The following IQSEC3 variants were observed in gnomAD, a reference collection of about 807,000 sequenced individuals.
IQSEC3 encodes IQ motif and Sec7 domain ArfGEF 3, also known as IQ motif and SEC7 domain-containing protein 3.
A neutral mutation model predicts 105.4 loss-of-function variants in IQSEC3; 50 were observed. That is an observed-to-expected ratio of 0.47 (90% CI 0.38 to 0.60). IQSEC3 has a LOEUF of 0.60. IQSEC3 is among the 20% of genes least tolerant of loss of function. The pLI is 0.00. For synonymous variants in IQSEC3, 708 were observed against 746.0 expected (o/e 0.95, Z 0.83); for missense variants, 1,415 against 1,630.0 (o/e 0.87, Z 2.27).
Position 138,919 on chromosome 12 carries a change from C to T in IQSEC3, c.1556C>T (p.Pro519Leu). The T allele has an allele frequency of 6.3e-7, 1 of 1,599,920 alleles. No homozygotes were observed. Among genetic ancestry groups the T allele is most frequent in the Non-Finnish European group, 8.5e-7 (1 of 1,174,076 alleles). ...NCLGAQTVQAPAEPAAGKAEQ... is the reference protein window; with the variant it reads ...NCLGAQTVQALAEPAAGKAEQ... ...CTGGGCGCTCAGACGGTCCAGGCCC[C>T]CGCAGAGCCCGCGGCGGGCAAGGCC... Residue 519 changes from proline to leucine, a missense_variant, in exon 4 of 14, where the codon CCC becomes CTC. Physicochemically the swap from Pro to Leu is moderately conservative, Grantham distance 98. Transcript: ENST00000538872. The surrounding 1 kb of genome is among the most constrained non-coding windows in gnomAD (Gnocchi z 7.1).
intron 3 of IQSEC3, among the ~76,000 whole-genome samples, chr12:135,206 G>T (rs563937978): frequency 6.6e-6 from 1 of 152,336 alleles, no homozygotes; most frequent in South Asian, 2.1e-4. Context: ...GAAATTGAGA[G>T]AAAAGGAGAC....
rs550935293 is a variant in IQSEC3, at chr12:147,159, T to C, written c.2153+5874T>C. On this transcript the variant is annotated intron_variant, in intron 5 of 13. Coordinates refer to ENST00000538872, the MANE Select transcript of IQSEC3 (RefSeq NM_001170738.2). ...GGAGGAGTCAGTCTCCTCTGTGTGA[T>C]AGCTGTGGCTGCAACAGGCCACTCG... Among the ~76,000 whole-genome samples, 7 of 152,306 alleles carry C rather than the reference T, an allele frequency of 4.6e-5. No homozygotes were observed. In the South Asian group the frequency reaches 1.0e-3, roughly 23 times the overall value.
Position 132,648 on chromosome 12 carries a change from G to A in IQSEC3, c.904-5619G>A, listed in dbSNP as rs964722140. Among the ~76,000 whole-genome samples, 3 of 152,166 alleles carry A rather than the reference G, an allele frequency of 2.0e-5. No homozygotes were observed. In the South Asian group the frequency reaches 6.2e-4, roughly 32 times the overall value. ...AGGAGGCTGACAAACACAGTGGACA[G>A]GGCAAACGAAAACCCCAGGACAAGG... On this transcript the variant is annotated intron_variant, in intron 3 of 13. Coordinates refer to ENST00000538872, the MANE Select transcript of IQSEC3 (RefSeq NM_001170738.2).
At position 104,403 on chromosome 12, in the gene IQSEC3, C is replaced by T. The variant is rs144454918; in HGVS notation, c.623+5189C>T. Among the ~76,000 whole-genome samples the T allele has an allele frequency of 8.5e-5, 13 of 152,240 alleles. No homozygotes were observed. In the East Asian group the frequency reaches 2.3e-3, roughly 27 times the overall value. ...TTCCTCTGATTATAAGTCATACACG[C>T]TAGTTGTTGGAAATGTGGAAAATAC... On this transcript the variant is annotated intron_variant, in intron 2 of 13. Transcript: ENST00000538872.
chr12:165,773 G>A lies in IQSEC3; in HGVS notation c.2854G>A (p.Glu952Lys), dbSNP rs781815118. Residue 952 changes from glutamate to lysine, a missense_variant, in exon 11 of 14, where the codon GAG becomes AAG. By Grantham distance (56) the Glu-to-Lys change is moderately conservative. Transcript: ENST00000538872. Reference protein sequence around the residue: ...ITLVTPLSGSEKKQVLHFCAL... With the variant: ...ITLVTPLSGSKKKQVLHFCAL... ...ACTGGTGACCCCGCTCTCGGGCTCC[G>A]AGAAGAAGCAGGTGCTGCATTTCTG... The A allele has an allele frequency of 4.3e-6, 7 of 1,613,990 alleles. No individual in the cohort carries two copies. The highest frequency in any genetic ancestry group is 3.3e-5 in the Admixed American group (2 of 60,028).
At chr12:71,810 G>A (rs1232562423) in intron 1 of IQSEC3, among the ~76,000 whole-genome samples, 1 of 152,254 alleles carries the variant, frequency 6.6e-6, no homozygotes, top group African/African-American at 2.4e-5. Flanking sequence ...TCATCAATCT[G>A]CCTATCCTCT....
chr12:97,204 G>A (rs1052109571), intron 1 of IQSEC3, among the ~76,000 whole-genome samples: 2 of 152,146 alleles, frequency 1.3e-5, no homozygotes, highest in South Asian at 2.1e-4. Flanking sequence ...TTTCTGCTGG[G>A]TTTGTCTTTG....
intron 5 of IQSEC3, among the ~76,000 whole-genome samples, chr12:154,063 CA>C (rs1866599007): frequency 1.3e-5 from 2 of 152,142 alleles, no homozygotes; most frequent in African/African-American, 4.8e-5. Context: ...CTCCACAGCC[CA>C]AGTGTCCACC....
intron 1 of IQSEC3, among the ~76,000 whole-genome samples, chr12:77,956 C>CT (rs1863605371): frequency 6.6e-6 from 1 of 151,930 alleles, no homozygotes. Flanking sequence ...CACGCGCCCC[C>CT]TCCCAGCGTC....
intron 2 of IQSEC3, among the ~76,000 whole-genome samples, chr12:119,219 T>C (rs1353282828): frequency 6.6e-6 from 1 of 152,104 alleles, no homozygotes; most frequent in Non-Finnish European, 1.5e-5. Context: ...AGGATGAAGA[T>C]GACCAGGCTC....
chr12:99,012 C>G, intron 1 of IQSEC3, 134 bp from the exon 2 acceptor site: 1 of 727,732 alleles, frequency 1.4e-6, no homozygotes, highest in Admixed American at 2.7e-5. Context: ...GATTGGCTGC[C>G]TGATTTTTAC....
chr12:98,447 T>A (rs1864309265), intron 1 of IQSEC3, among the ~76,000 whole-genome samples: 1 of 152,236 alleles, frequency 6.6e-6, no homozygotes, highest in Non-Finnish European at 1.5e-5. Context: ...GATTCTAATA[T>A]GCAGCTAGGG....
chr12:110,996 G>A (rs953389842), intron 2 of IQSEC3, among the ~76,000 whole-genome samples: 13 of 152,104 alleles, frequency 8.5e-5, no homozygotes, highest in Non-Finnish European at 1.6e-4. Context: ...GCTTCTTCGT[G>A]ACCCCCCGAT....
chr12:161,007 G>A (rs941618371), intron 7 of IQSEC3, among the ~76,000 whole-genome samples: 2 of 152,066 alleles, frequency 1.3e-5, no homozygotes, highest in African/African-American at 2.4e-5. Flanking sequence ...TTTCTCACCC[G>A]CCGCCTGATT....
chr12:141,130 C>G lies in IQSEC3; in HGVS notation c.1998C>G (p.Pro666=), dbSNP rs782276107. 6.2e-7 allele frequency: 1 copy of G among 1,604,638 alleles called. No homozygotes were observed. The highest frequency in any genetic ancestry group is 8.5e-7 in the Non-Finnish European group (1 of 1,172,862). The part of the protein sequence containing the change: ...RIGLNLFNIN[P]DKGIQFLISR... Reference sequence around the variant, plus strand: ...TCCCCACCCCCACCTCCAGAAACCCCGACAAGGGCATCCAGTTCCTGATCT... The same window carrying G: ...TCCCCACCCCCACCTCCAGAAACCCGGACAAGGGCATCCAGTTCCTGATCT... The change falls in exon 5 of 14, where the codon CCC becomes CCG. Residue 666 remains proline (P), a synonymous_variant. Transcript: ENST00000538872.
chr12:157,887 C>T (rs372203149), intron 7 of IQSEC3, among the ~76,000 whole-genome samples, 193 bp downstream of exon 7: 4 of 152,338 alleles, frequency 2.6e-5, no homozygotes, highest in East Asian at 1.9e-4. Context: ...AGCCTGCCAC[C>T]GCCACCGCTC....
chr12:144,673 T>A (rs1866189121), intron 5 of IQSEC3: 1 of 152,240 alleles, frequency 6.6e-6, no homozygotes, highest in Non-Finnish European at 1.5e-5. Flanking sequence ...AATTCGGCCC[T>A]CAGCGCTCTT....
At chr12:76,604 TC>T (rs1323683507) in intron 1 of IQSEC3, among the ~76,000 whole-genome samples, 1 of 152,258 alleles carries the variant, frequency 6.6e-6, no homozygotes, top group East Asian at 1.9e-4. Context: ...TCCTGGTTCT[TC>T]CCCTCTGTAA....
intron 2 of IQSEC3, among the ~76,000 whole-genome samples, chr12:104,342 T>C (rs1864568396): frequency 1.3e-5 from 2 of 152,182 alleles, no homozygotes; most frequent in African/African-American, 4.8e-5. Flanking sequence ...AGAGAAATCC[T>C]CCCATCCATT....
Sources: gnomAD v4.1 joint callset for allele counts (sites outside exome capture counted in the v4.1 genomes callset) on GRCh38, gnomAD v4.1.1 for gene constraint, Gnocchi (gnomAD v3.1) non-coding constraint, MANE v1.5 for transcripts, NCBI Gene and HGNC (gene_info 2026-07-23, HGNC 2026-07-21) for gene names.